Variants in DYNC1I2 observed in about 807,000 individuals in gnomAD.
The protein encoded by DYNC1I2 is cytoplasmic dynein 1 intermediate chain 2.
Under a neutral mutation model 88.6 loss-of-function variants are expected in DYNC1I2, and 53 were observed. The observed-to-expected ratio is 0.60, with a 90% CI of 0.48 to 0.75. The LOEUF (loss-of-function observed/expected upper bound fraction) is 0.75. DYNC1I2 is among the 30% of genes least tolerant of loss of function. The probability of loss-of-function intolerance (pLI) is 0.00; values close to 1 mark genes in which losing one functional copy is unlikely to be tolerated. For synonymous variants in DYNC1I2, 198 were observed against 254.6 expected (o/e 0.78, Z 2.12); for missense variants, 458 against 766.6 (o/e 0.60, Z 4.75).
At position 171,690,493 on chromosome 2, in the gene DYNC1I2, T is replaced by C. The variant is rs558233207; in HGVS notation, c.108+230T>C. Among the ~76,000 whole-genome samples the C allele has an allele frequency of 9.2e-5, 14 of 152,258 alleles. No homozygotes were observed. In the South Asian group the frequency reaches 2.5e-3, roughly 27 times the overall value. The stretch of plus-strand genomic sequence containing the variant: ...AATCTTACTTTAAAGAAGCAAGATA[T>C]GTGAAAATGACAAAACTGATAAAAT... On this transcript the variant is annotated intron_variant, in intron 2 of 17. Coordinates refer to ENST00000397119, the MANE Select transcript of DYNC1I2 (RefSeq NM_001378.3).
Position 171,701,799 on chromosome 2 carries a change from A to G in DYNC1I2, c.227-4748A>G, listed in dbSNP as rs147145804. 3.0e-3 allele frequency among the ~76,000 whole-genome samples: 460 copies of G among 152,278 alleles called. 1 individual carries two copies. Among genetic ancestry groups the G allele is most frequent in the African/African-American group, 0.01 (426 of 41,562 alleles). The stretch of plus-strand genomic sequence containing the variant: ...TTTATAAATAGATTATTAATAAAAA[A>G]TTTTTTACAGAGTATACTATCTGGC... On this transcript the variant is annotated intron_variant, in intron 3 of 17. Transcript: ENST00000397119.
At chr2:171,712,746 G>A in intron 5 of DYNC1I2, 21 bp from the exon 6 acceptor site, 1 of 1,603,144 alleles carries the variant, frequency 6.2e-7, no homozygotes, top group Admixed American at 1.7e-5. Context: ...AATGCTTCAT[G>A]GTTGTCCTAC....
chr2:171,730,939 A>T (rs1688562373), intron 15 of DYNC1I2, among the ~76,000 whole-genome samples: 1 of 152,174 alleles, frequency 6.6e-6, no homozygotes, highest in African/African-American at 2.4e-5. Context: ...CTGTCTGATA[A>T]TGAAACAGGT....
chr2:171,727,678 T>C, intron 11 of DYNC1I2, 143 bp from the exon 12 acceptor site: 1 of 629,274 alleles, frequency 1.6e-6, no homozygotes, highest in Non-Finnish European at 2.4e-6. Flanking sequence ...AGTGAAAACT[T>C]TTAATTAATT....
Position 171,725,598 on chromosome 2 carries a change from G to GTTTTTTTTTTTTTTTT in DYNC1I2, c.512-19_512-4dup. 1 of 894,262 alleles carries GTTTTTTTTTTTTTTTT rather than the reference G, an allele frequency of 1.1e-6. No individual in the cohort carries two copies. The allele number at this position is 894,262 out of a possible 1,614,324, so 55.4% of individuals were successfully genotyped here. On this transcript the variant is annotated intron_variant, in intron 7 of 17. Coordinates refer to ENST00000397119, the MANE Select transcript of DYNC1I2 (RefSeq NM_001378.3). ...ATTCTGTTTTTTTGTTTTTTTGTTT[G>GTTTTTTTTTTTTTTTT]TTTTTTTTTTTTTTTTCAGATGAAG...
intron 5 of DYNC1I2, among the ~76,000 whole-genome samples, chr2:171,710,120 T>TAC (rs1383615743): frequency 0.086 from 8,204 of 95,284 alleles, 233 homozygotes; most frequent in South Asian, 0.11. Context: ...TTTATGTATA[T>TAC]ATACACACAC....
At position 171,747,290 on chromosome 2, in the gene DYNC1I2, A is replaced by G. The variant is rs1308212888; in HGVS notation, c.1804-486A>G. The stretch of plus-strand genomic sequence containing the variant: ...AAGGCTCTTTTGCCACCAGTGCAGC[A>G]CTAAAGTGGTAAATAGTAGCACAGC... On this transcript the variant is annotated intron_variant, in intron 17 of 17. Transcript: ENST00000397119. 4.2e-4 allele frequency among the ~76,000 whole-genome samples: 63 copies of G among 150,286 alleles called. 1 individual carries two copies. The Admixed American group carries it at 4.2e-3, about 10-fold the overall frequency.
intron 3 of DYNC1I2, among the ~76,000 whole-genome samples, chr2:171,698,295 T>G (rs947502684): frequency 7.9e-5 from 12 of 152,246 alleles, no homozygotes; most frequent in Admixed American, 6.5e-4. Flanking sequence ...ACCCTAAATG[T>G]TAGAAAAGCA....
chr2:171,725,573 A>ATTCTGTTT (rs1688180659), intron 7 of DYNC1I2, 45 bp from the exon 8 acceptor site: 1 of 1,171,230 alleles, frequency 8.5e-7, no homozygotes, highest in African/African-American at 1.8e-5. Context: ...TTATTATATC[A>ATTCTGTTT]TTCTGTTTTT....
intron 5 of DYNC1I2, 145 bp from the exon 6 acceptor site, chr2:171,712,622 C>T (rs1010402498): frequency 1.0e-5 from 6 of 585,980 alleles, no homozygotes; most frequent in Admixed American, 3.6e-5. Flanking sequence ...GTTTTGTTTT[C>T]GATTTTTTTT....
At chr2:171,694,487 G>A (rs1685617391) in intron 3 of DYNC1I2, among the ~76,000 whole-genome samples, 1 of 151,918 alleles carries the variant, frequency 6.6e-6, no homozygotes. Context: ...GAGAAACCCC[G>A]TCTCTACTAA....
chr2:171,698,570 T>C (rs1685959437), intron 3 of DYNC1I2, among the ~76,000 whole-genome samples: 1 of 152,090 alleles, frequency 6.6e-6, no homozygotes, highest in South Asian at 2.1e-4. Flanking sequence ...AAATTTTTAG[T>C]AGAAACAGGG....
intron 2 of DYNC1I2, among the ~76,000 whole-genome samples, chr2:171,691,312 T>C (rs1421831595): frequency 6.6e-6 from 1 of 152,206 alleles, no homozygotes; most frequent in East Asian, 1.9e-4. Context: ...CATTGAAATA[T>C]ACTTTTATCC....
At chr2:171,743,006 A>G (rs1038802549) in intron 15 of DYNC1I2, among the ~76,000 whole-genome samples, 4 of 152,190 alleles carry the variant, frequency 2.6e-5, no homozygotes, top group East Asian at 1.9e-4. Context: ...AGGGGTGCCA[A>G]CGCCTATCCC....
chr2:171,689,447 TA>T (rs1274163283), intron 1 of DYNC1I2, among the ~76,000 whole-genome samples: 2 of 152,214 alleles, frequency 1.3e-5, no homozygotes. Context: ...ATAGAATTGG[TA>T]ATAGTTTTGA....
chr2:171,691,664 G>T (rs1193793139), intron 2 of DYNC1I2, among the ~76,000 whole-genome samples: 1 of 152,146 alleles, frequency 6.6e-6, no homozygotes, highest in African/African-American at 2.4e-5. Flanking sequence ...CATGATTCAG[G>T]TTGGCAGAGC....
intron 5 of DYNC1I2, among the ~76,000 whole-genome samples, chr2:171,711,658 T>A (rs1275389298): frequency 6.6e-6 from 1 of 152,230 alleles, no homozygotes; most frequent in East Asian, 1.9e-4. Flanking sequence ...CACATAACCT[T>A]GTTTAAATTC....
Position 171,716,146 on chromosome 2 carries a change from C to G in DYNC1I2, c.511+703C>G, listed in dbSNP as rs1381023291. ...AGATTTATGTGAGATCCCTAATACA[C>G]TTCACAGTGTCTTTTCTGAAGCTTT... On this transcript the variant is annotated intron_variant, in intron 7 of 17. Transcript: ENST00000397119. Among the ~76,000 whole-genome samples, 3 of 151,932 alleles carry G rather than the reference C, an allele frequency of 2.0e-5. No individual in the cohort carries two copies. The East Asian group carries it at 5.8e-4, about 29-fold the overall frequency.
chr2:171,702,668 A>G (rs559928162), intron 3 of DYNC1I2, among the ~76,000 whole-genome samples: 149 of 152,120 alleles, frequency 9.8e-4, no homozygotes, highest in Non-Finnish European at 1.8e-3. Context: ...ACTAAAAACA[A>G]TTGGTTTAAA....
Sources: gnomAD v4.1 joint callset for allele counts (sites outside exome capture counted in the v4.1 genomes callset) on GRCh38, gnomAD v4.1.1 for gene constraint, MANE v1.5 for transcripts, NCBI Gene and HGNC (gene_info 2026-07-23, HGNC 2026-07-21) for gene names.